NIBAN1: variants seen among roughly 807,000 people sequenced by gnomAD.
NIBAN1 encodes the protein protein Niban 1.
A neutral mutation model predicts 75.1 loss-of-function variants in NIBAN1; 81 were observed. The ratio of observed to expected loss-of-function variants is 1.08; its 90% CI spans 0.90 to 1.30. The LOEUF (loss-of-function observed/expected upper bound fraction) is 1.30. Ranked by LOEUF, NIBAN1 falls within the 50% of genes most tolerant of loss-of-function variation. NIBAN1 has a pLI of 0.00. For missense variants in NIBAN1, 1,133 were observed against 1,128.1 expected, an observed-to-expected ratio of 1.00 and a Z score of -0.06; for synonymous variants, 436 against 424.8, an observed-to-expected ratio of 1.03 and a Z score of -0.32.
At chr1:184,815,562 T>C (rs1364489777) in intron 9 of NIBAN1, among the ~76,000 whole-genome samples, 1 of 152,222 alleles carries the variant, frequency 6.6e-6, no homozygotes, top group Admixed American at 6.5e-5. Flanking sequence ...CTCTGATCTT[T>C]GAATATTTTT....
intron 5 of NIBAN1, among the ~76,000 whole-genome samples, chr1:184,844,413 TTAA>T (rs765057944): frequency 6.6e-6 from 1 of 152,228 alleles, no homozygotes; most frequent in South Asian, 2.1e-4. Flanking sequence ...TTACCAATGA[TTAA>T]TAATAGCATC....
chr1:184,922,757 C>T (rs1557915924), intron 1 of NIBAN1, among the ~76,000 whole-genome samples: 1 of 152,166 alleles, frequency 6.6e-6, no homozygotes, highest in African/African-American at 2.4e-5. Flanking sequence ...CAGGCACCTG[C>T]CATGACACCC....
intron 1 of NIBAN1, among the ~76,000 whole-genome samples, chr1:184,946,831 C>T (rs182726175): frequency 1.7e-4 from 26 of 152,120 alleles, no homozygotes; most frequent in African/African-American, 5.3e-4. Flanking sequence ...TGCATTGTTT[C>T]GGGAGGCCAA....
chr1:184,884,948 C>A (rs1443582326), intron 4 of NIBAN1, 148 bp from the exon 5 acceptor site: 3 of 1,027,584 alleles, frequency 2.9e-6, no homozygotes, highest in East Asian at 2.7e-5. Flanking sequence ...AAACTGGGAG[C>A]ACTGGCTCCT....
intron 2 of NIBAN1, 52 bp downstream of exon 2, chr1:184,899,127 A>G: frequency 6.2e-7 from 1 of 1,601,558 alleles, no homozygotes; most frequent in Middle Eastern, 1.7e-4. Flanking sequence ...CGGCTGTGCT[A>G]TATAGCCTTC....
rs1653777491 is a variant in NIBAN1, at chr1:184,794,351, T to A, written c.*626A>T. On this transcript the variant is annotated 3_prime_UTR_variant, in exon 14 of 14. Coordinates refer to ENST00000367511, the MANE Select transcript of NIBAN1 (RefSeq NM_052966.4). ...AATTAATAAGAAATTGATAGCAGGA[T>A]GAGTAACAGGCCCAGACAGTCCCAC... 1 of 153,236 alleles carries A rather than the reference T, an allele frequency of 6.5e-6. No individual in the cohort carries two copies. The highest frequency in any genetic ancestry group is 2.4e-5 in the African/African-American group (1 of 41,436). The allele number at this position is 153,236 out of a possible 1,614,324, so 9.5% of individuals were successfully genotyped here. A position where few individuals can be genotyped will look rare whatever the true frequency, so the allele number is the denominator to read the frequency against.
chr1:184,864,092 T>C (rs145189839), intron 5 of NIBAN1, among the ~76,000 whole-genome samples: 1,710 of 152,306 alleles, frequency 0.011, 30 homozygotes, highest in African/African-American at 0.038. Context: ...AATTACGAGC[T>C]TGAGCTTTGG....
chr1:184,956,494 C>T (rs1024608410), intron 1 of NIBAN1, among the ~76,000 whole-genome samples: 1 of 152,186 alleles, frequency 6.6e-6, no homozygotes, highest in Non-Finnish European at 1.5e-5. Context: ...GTACTTGTGA[C>T]TTTGTCACCA....
At chr1:184,969,266 G>T (rs1658875293) in intron 1 of NIBAN1, among the ~76,000 whole-genome samples, 1 of 152,122 alleles carries the variant, frequency 6.6e-6, no homozygotes, top group African/African-American at 2.4e-5. Context: ...TACGAATTAT[G>T]CAGGGTTAGT....
At chr1:184,942,391 A>G (rs1408505216) in intron 1 of NIBAN1, among the ~76,000 whole-genome samples, 1 of 152,260 alleles carries the variant, frequency 6.6e-6, no homozygotes, top group African/African-American at 2.4e-5. Flanking sequence ...TAGGAAGAAC[A>G]CAAATGAAAC....
intron 5 of NIBAN1, among the ~76,000 whole-genome samples, chr1:184,836,201 C>T (rs1655138737): frequency 6.6e-6 from 1 of 152,122 alleles, no homozygotes; most frequent in African/African-American, 2.4e-5. Flanking sequence ...CTGGGAGGGA[C>T]TTTACCAACT....
In NIBAN1 at chr1:184,917,125, G is replaced by C. The variant is rs556015357; in HGVS notation, c.56-17816C>G. Reference sequence around the variant, plus strand: ...ATGCTGTGCGCTTGGCTCCGCTGCAGACAAATGAGCCCCAGCCTGGGCTGG... The same window carrying C: ...ATGCTGTGCGCTTGGCTCCGCTGCACACAAATGAGCCCCAGCCTGGGCTGG... On this transcript the variant is annotated intron_variant, in intron 1 of 13. Coordinates refer to ENST00000367511, the MANE Select transcript of NIBAN1 (RefSeq NM_052966.4). Among the ~76,000 whole-genome samples, 76 of 152,024 alleles carry C rather than the reference G, an allele frequency of 5.0e-4. 1 individual carries two copies. Among genetic ancestry groups the C allele is most frequent in the African/African-American group, 1.8e-3 (73 of 41,444 alleles).
At chr1:184,879,984 G>A (rs933224250) in intron 5 of NIBAN1, among the ~76,000 whole-genome samples, 1 of 152,138 alleles carries the variant, frequency 6.6e-6, no homozygotes. Context: ...TTTTCAACCC[G>A]TGTGCACACA....
At chr1:184,797,490 A>T (rs1437270507) in intron 13 of NIBAN1, among the ~76,000 whole-genome samples, 1 of 151,938 alleles carries the variant, frequency 6.6e-6, no homozygotes, top group Non-Finnish European at 1.5e-5. Context: ...ATCCAATCCC[A>T]GGCAAGGCAT....
At chr1:184,810,495 T>G (rs1654342934) in intron 9 of NIBAN1, among the ~76,000 whole-genome samples, 1 of 152,238 alleles carries the variant, frequency 6.6e-6, no homozygotes, top group Admixed American at 6.5e-5. Context: ...TACTTCCATA[T>G]TTTAGTCCTT....
chr1:184,894,834 CTG>C (rs1656758670), intron 2 of NIBAN1, among the ~76,000 whole-genome samples: 1 of 152,182 alleles, frequency 6.6e-6, no homozygotes, highest in South Asian at 2.1e-4. Context: ...TTCTTATTAA[CTG>C]TGGTGATATA....
intron 1 of NIBAN1, among the ~76,000 whole-genome samples, chr1:184,915,307 G>C (rs941512423): frequency 1.3e-5 from 2 of 152,196 alleles, no homozygotes; most frequent in Non-Finnish European, 2.9e-5. Flanking sequence ...AGGCCAGTTT[G>C]TTATATTCAA....
chr1:184,879,859 T>C (rs1656332460), intron 5 of NIBAN1, among the ~76,000 whole-genome samples: 1 of 152,254 alleles, frequency 6.6e-6, no homozygotes, highest in Admixed American at 6.5e-5. Context: ...TGTTGGATGT[T>C]ACCATTGTCA....
At position 184,974,320 on chromosome 1, in the gene NIBAN1, T is replaced by G. The variant is rs1418852811; in HGVS notation, c.37A>C (p.Lys13Gln). Residue 13 changes from lysine (K) to glutamine (Q), a missense_variant, in exon 1 of 14, where the codon AAG becomes CAG. Transcript: ENST00000367511. ...GSASSQLDEG[K>Q]CAYIRGKTEA... ...GGCGTACCTCGGATGTAAGCGCACT[T>G]GCCCTCGTCCAGCTGGCTGGAGGCT... 4.5e-6 allele frequency: 7 copies of G among 1,567,598 alleles called. No homozygotes were observed. The highest frequency in any genetic ancestry group is 6.0e-6 in the Non-Finnish European group (7 of 1,163,878).
Sources: allele counts gnomAD v4.1 joint callset (sites outside exome capture counted in the v4.1 genomes callset), GRCh38; gene constraint gnomAD v4.1.1; transcripts MANE v1.5; gene names NCBI Gene and HGNC (gene_info 2026-07-23, HGNC 2026-07-21).